PIEZO2: variants seen among roughly 807,000 people sequenced by gnomAD.
The protein encoded by PIEZO2 is piezo-type mechanosensitive ion channel component 2.
PIEZO2 carries 172 observed loss-of-function variants against 337.3 expected under a neutral mutation model. That is an observed-to-expected ratio of 0.51 (90% CI 0.45 to 0.58). PIEZO2 has a LOEUF of 0.58. Ranked by LOEUF, PIEZO2 falls within the 20% of genes least tolerant of loss-of-function variation. PIEZO2 has a pLI of 0.00. For synonymous variants in PIEZO2, 1,251 were observed against 1,228.5 expected (o/e 1.02, Z -0.38); for missense variants, 3,028 against 3,391.3 (o/e 0.89, Z 2.66).
chr18:10,876,277 T>C (rs1191682630), intron 4 of PIEZO2, among the ~76,000 whole-genome samples: 7 of 152,242 alleles, frequency 4.6e-5, no homozygotes, highest in Non-Finnish European at 1.0e-4. Context: ...TGCATACTAT[T>C]ATACTAAAAG....
At position 10,861,704 on chromosome 18, in the gene PIEZO2, C is replaced by T. The variant is rs1406324492; in HGVS notation, c.493-4493G>A. ...GGGGACCTATTGCACTGCATGGTGACTGTAGTTTTTAATGTATATTTCAAA... is the reference window on the plus strand; with the variant it reads ...GGGGACCTATTGCACTGCATGGTGATTGTAGTTTTTAATGTATATTTCAAA... On this transcript the variant is annotated intron_variant, in intron 5 of 55. Coordinates refer to ENST00000674853, the MANE Select transcript of PIEZO2 (RefSeq NM_001378183.1). The surrounding 1 kb of genome is among the most constrained non-coding windows in gnomAD (Gnocchi z 4.3). Among the ~76,000 whole-genome samples, 2 of 152,170 alleles carry T rather than the reference C, an allele frequency of 1.3e-5. No homozygotes were observed. Among genetic ancestry groups the T allele is most frequent in the African/African-American group, 4.8e-5 (2 of 41,454 alleles).
chr18:10,826,914 CTT>C (rs2144508023), intron 7 of PIEZO2, among the ~76,000 whole-genome samples: 1 of 152,314 alleles, frequency 6.6e-6, no homozygotes, highest in African/African-American at 2.4e-5. Context: ...TTTGCCATCT[CTT>C]TATTCTTTTC....
At chr18:11,144,064 A>T (rs1170934466) in intron 1 of PIEZO2, among the ~76,000 whole-genome samples, 1 of 152,234 alleles carries the variant, frequency 6.6e-6, no homozygotes, top group African/African-American at 2.4e-5. Flanking sequence ...TAAACTGCCC[A>T]GTGGCAACAC....
Position 10,898,196 on chromosome 18 carries a change from G to A in PIEZO2, c.329+12990C>T, listed in dbSNP as rs2042952038. Among the ~76,000 whole-genome samples the A allele has an allele frequency of 2.0e-5, 3 of 152,190 alleles. No individual in the cohort carries two copies. The South Asian group carries it at 6.2e-4, about 31-fold the overall frequency. The stretch of plus-strand genomic sequence containing the variant: ...CTGTATATATTTAGACAGAGTTTTA[G>A]TAAAATATTGTATATGAGATCGAGA... On this transcript the variant is annotated intron_variant, in intron 4 of 55. Transcript: ENST00000674853.
At chr18:11,113,524 A>T (rs2039795208) in intron 1 of PIEZO2, among the ~76,000 whole-genome samples, 1 of 151,856 alleles carries the variant, frequency 6.6e-6, no homozygotes, top group Non-Finnish European at 1.5e-5. Flanking sequence ...TGCTCTGCCC[A>T]CCCTCACGGC....
At position 11,050,765 on chromosome 18, in the gene PIEZO2, C is replaced by T. The variant is rs189725975; in HGVS notation, c.160+15362G>A. Among the ~76,000 whole-genome samples, 314 of 148,152 alleles carry T rather than the reference C, an allele frequency of 2.1e-3. 1 individual carries two copies. Among genetic ancestry groups the T allele is most frequent in the Non-Finnish European group, 3.4e-3 (230 of 66,732 alleles). On this transcript the variant is annotated intron_variant, in intron 2 of 55. Coordinates refer to ENST00000674853, the MANE Select transcript of PIEZO2 (RefSeq NM_001378183.1). ...CCTACCCCTTTCTAATTCTGCCTCTCCAAATGTTGGAAAAGATCCTAAAAA... is the reference window on the plus strand; with the variant it reads ...CCTACCCCTTTCTAATTCTGCCTCTTCAAATGTTGGAAAAGATCCTAAAAA...
chr18:11,088,611 G>T lies in PIEZO2; in HGVS notation c.65-22389C>A, dbSNP rs369576992. ...CTCACATCCAGGCAGAACACAGAAG[G>T]TTCCCTTAAATTGTGGGACTGAAGA... On this transcript the variant is annotated intron_variant, in intron 1 of 55. Coordinates refer to ENST00000674853, the MANE Select transcript of PIEZO2 (RefSeq NM_001378183.1). 8.5e-5 allele frequency among the ~76,000 whole-genome samples: 13 copies of T among 152,280 alleles called. No individual in the cohort carries two copies. The East Asian group carries it at 2.5e-3, about 29-fold the overall frequency.
chr18:10,858,496 A>G (rs1458787461), intron 5 of PIEZO2, among the ~76,000 whole-genome samples: 1 of 152,234 alleles, frequency 6.6e-6, no homozygotes, highest in East Asian at 1.9e-4. Flanking sequence ...AGAATTGTTA[A>G]GCCCAGTTCA....
chr18:11,072,556 T>C (rs73400512), intron 1 of PIEZO2, among the ~76,000 whole-genome samples: 4,017 of 152,346 alleles, frequency 0.026, 169 homozygotes, highest in African/African-American at 0.088. Flanking sequence ...ATGTTAGTAA[T>C]AGCTCATACT....
intron 21 of PIEZO2, among the ~76,000 whole-genome samples, chr18:10,764,721 C>A (rs931893166): frequency 6.6e-6 from 1 of 152,214 alleles, no homozygotes; most frequent in Non-Finnish European, 1.5e-5. Context: ...CAAGGAAGCT[C>A]TCTGAGAATT....
chr18:11,136,191 C>G (rs2040481513), intron 1 of PIEZO2, among the ~76,000 whole-genome samples: 1 of 152,158 alleles, frequency 6.6e-6, no homozygotes. Context: ...GTGAATGAGG[C>G]GGGGGCATCC....
chr18:10,873,035 A>G (rs2042176050), intron 4 of PIEZO2, among the ~76,000 whole-genome samples: 2 of 152,168 alleles, frequency 1.3e-5, no homozygotes, highest in Non-Finnish European at 2.9e-5. Flanking sequence ...GCAATATACC[A>G]TGTAAATACA....
intron 7 of PIEZO2, among the ~76,000 whole-genome samples, chr18:10,848,947 G>T (rs2041449814): frequency 6.6e-6 from 1 of 152,152 alleles, no homozygotes; most frequent in South Asian, 2.1e-4. Flanking sequence ...ATCACCACAA[G>T]ATAAGCAAAC....
intron 3 of PIEZO2, among the ~76,000 whole-genome samples, chr18:10,946,192 T>C (rs1332539972): frequency 6.6e-6 from 1 of 151,838 alleles, no homozygotes. Context: ...TCAAAATCAA[T>C]GAAAAATAGA....
chr18:10,695,235 A>G (rs935076746), intron 47 of PIEZO2, among the ~76,000 whole-genome samples: 2 of 152,242 alleles, frequency 1.3e-5, no homozygotes, highest in Non-Finnish European at 2.9e-5. Flanking sequence ...GAGACAGTCT[A>G]TAGAGAAGTG....
At chr18:11,072,350 A>G (rs1423504253) in intron 1 of PIEZO2, among the ~76,000 whole-genome samples, 3 of 152,194 alleles carry the variant, frequency 2.0e-5, no homozygotes, top group African/African-American at 7.2e-5. Context: ...ACCCCAATTG[A>G]CATGGCCCCC....
rs1349357627 is a variant in PIEZO2, at chr18:11,094,602, G to A, written c.65-28380C>T. On this transcript the variant is annotated intron_variant, in intron 1 of 55. Transcript: ENST00000674853. This position sits in a 1 kb window ranked among gnomAD's most constrained non-coding sequence, Gnocchi z 4.4. ...CGCTGTCCCCTCTCTGAAGACAGAT[G>A]GCAACGGCACCCTGGCCCTTCCTAC... Among the ~76,000 whole-genome samples, 1 of 152,070 alleles carries A rather than the reference G, an allele frequency of 6.6e-6. No individual in the cohort carries two copies. Among genetic ancestry groups the A allele is most frequent in the Non-Finnish European group, 1.5e-5 (1 of 68,012 alleles).
rs1359740223 is a variant in PIEZO2 at position 10,862,420 on chromosome 18, A to G, written c.493-5209T>C. Among the ~76,000 whole-genome samples the G allele has an allele frequency of 6.6e-6, 1 of 152,166 alleles. No homozygotes were observed. The highest frequency in any genetic ancestry group is 1.5e-5 in the Non-Finnish European group (1 of 68,028). ...GGCCTAAACACAAAGCTCTCATCCC[A>G]CAATGAGACGGGATCTAAACCTTTG... On this transcript the variant is annotated intron_variant, in intron 5 of 55. Transcript: ENST00000674853. The surrounding 1 kb of genome is among the most constrained non-coding windows in gnomAD (Gnocchi z 4.4).
At chr18:11,034,668 C>T (rs557665028) in intron 2 of PIEZO2, among the ~76,000 whole-genome samples, 18 of 152,280 alleles carry the variant, frequency 1.2e-4, no homozygotes, top group East Asian at 7.7e-4. Flanking sequence ...CTAAAACAAA[C>T]ACGTAGGGTT....
Sources: gnomAD v4.1 joint callset for allele counts (sites outside exome capture counted in the v4.1 genomes callset) on GRCh38, gnomAD v4.1.1 for gene constraint, Gnocchi (gnomAD v3.1) non-coding constraint, MANE v1.5 for transcripts, NCBI Gene and HGNC (gene_info 2026-07-23, HGNC 2026-07-21) for gene names.